The following FGF10 variants were observed in gnomAD, a reference collection of about 807,000 sequenced individuals.
FGF10 encodes the protein FGF-10.
In FGF10, 2 loss-of-function variants were observed where a neutral mutation model predicts 19.8. The ratio of observed to expected loss-of-function variants is 0.10; its 90% confidence interval spans 0.04 to 0.32. FGF10 has a LOEUF of 0.32. FGF10 is among the 10% of genes least tolerant of loss of function. The pLI is 1.00. For missense variants in FGF10, 191 were observed against 246.3 expected (o/e 0.78, Z 1.50); for synonymous variants, 112 against 94.0 (o/e 1.19, Z -1.10).
In FGF10 at chr5:44,302,282, GCTTCCTTCCTTCCTTCCTTCCTTC is replaced by G. The variant is rs56194673; in HGVS notation, c.*2689_*2712del. ...TCTTTCCTTCCTTCCTTCTTTCCTTGCTTCCTTCCTTCCTTCCTTCCTTCCTTCCTTCCTTCCTTCCTTCCTTCC... is the reference window on the plus strand; with the variant it reads ...TCTTTCCTTCCTTCCTTCTTTCCTTGCTTCCTTCCTTCCTTCCTTCCTTCC... On this transcript the variant is annotated 3_prime_UTR_variant, in exon 3 of 3. Transcript: ENST00000264664. Among the ~76,000 whole-genome samples, 39 of 122,206 alleles carry G rather than the reference GCTTCCTTCCTTCCTTCCTTCCTTC, an allele frequency of 3.2e-4. No individual in the cohort carries two copies. Among genetic ancestry groups the G allele is most frequent in the African/African-American group, 9.6e-4 (30 of 31,152 alleles). 80.2% of individuals were successfully genotyped at this position (122,206 alleles called of 152,430 possible).
intron 1 of FGF10, among the ~76,000 whole-genome samples, chr5:44,313,313 C>G (rs1740254098): frequency 6.6e-6 from 1 of 151,916 alleles, no homozygotes; most frequent in South Asian, 2.1e-4. Flanking sequence ...GACTTCTTTA[C>G]TTTTTGTAAG....
In FGF10 at chr5:44,304,311, C is replaced by T. The variant is rs1430913973; in HGVS notation, c.*684G>A. On this transcript the variant is annotated 3_prime_UTR_variant, in exon 3 of 3. Transcript: ENST00000264664. ...AAAGAAAAGATAAATCAGAAGACAG[C>T]TGCTGAGATACTCTTTAAAACCCCA... is the stretch of plus-strand genomic sequence containing the variant. The T allele has an allele frequency of 6.6e-6, 1 of 152,248 alleles. No homozygotes were observed. The highest frequency in any genetic ancestry group is 2.4e-5 in the African/African-American group (1 of 41,434). 9.4% of individuals were successfully genotyped at this position (152,248 alleles called of 1,614,324 possible). A position where few individuals can be genotyped will look rare whatever the true frequency, so the allele number is the denominator to read the frequency against.
chr5:44,304,017 G>C lies in FGF10; in HGVS notation c.*978C>G, dbSNP rs939007449. ...GGAGGCAAACTGATGTATTGAAAGA[G>C]AAGAATTTGGCCTTCTGGTCTATTT... On this transcript the variant is annotated 3_prime_UTR_variant, in exon 3 of 3. Coordinates refer to ENST00000264664, the MANE Select transcript of FGF10 (RefSeq NM_004465.2). 1 of 152,146 alleles carries C rather than the reference G, an allele frequency of 6.6e-6. No individual in the cohort carries two copies. Among genetic ancestry groups the C allele is most frequent in the African/African-American group, 2.4e-5 (1 of 41,450 alleles). 9.4% of individuals were successfully genotyped at this position (152,146 alleles called of 1,614,324 possible).
chr5:44,367,029 G>T (rs1741631674), intron 1 of FGF10, among the ~76,000 whole-genome samples: 1 of 151,812 alleles, frequency 6.6e-6, no homozygotes, highest in Non-Finnish European at 1.5e-5. Flanking sequence ...CAAACTGCAA[G>T]AAAATAAAAT....
chr5:44,309,048 G>C (rs1011102521), intron 2 of FGF10, among the ~76,000 whole-genome samples: 4 of 152,068 alleles, frequency 2.6e-5, no homozygotes, highest in Non-Finnish European at 5.9e-5. Flanking sequence ...AATCAACAAA[G>C]TAAGTTTATT....
chr5:44,355,581 T>G (rs907278443), intron 1 of FGF10, among the ~76,000 whole-genome samples: 1 of 151,298 alleles, frequency 6.6e-6, no homozygotes, highest in Non-Finnish European at 1.5e-5. Context: ...TTCAGACTCA[T>G]AGTGCAAAAC....
intron 1 of FGF10, among the ~76,000 whole-genome samples, chr5:44,381,708 A>T (rs572272288): frequency 7.0e-4 from 106 of 152,348 alleles, no homozygotes; most frequent in Admixed American, 1.6e-3. Context: ...GCTTATCAGT[A>T]AAGCATGTTA....
In FGF10 at chr5:44,389,154, GTCTC is replaced by G. The variant is rs923383808; in HGVS notation, c.-476_-473del. On this transcript the variant is annotated 5_prime_UTR_variant, in exon 1 of 3. Transcript: ENST00000264664. Reference sequence around the variant, plus strand: ...ACCCCTCTGCGGTTGGCACCTTCTGGTCTCTCTCTGCGGAGCCCCAGCCTGCGAG... The same window carrying G: ...ACCCCTCTGCGGTTGGCACCTTCTGGTCTCTGCGGAGCCCCAGCCTGCGAG... The G allele has an allele frequency of 4.3e-6, 1 of 232,280 alleles. No individual in the cohort carries two copies. Among genetic ancestry groups the G allele is most frequent in the African/African-American group, 2.2e-5 (1 of 44,990 alleles). The allele number at this position is 232,280 out of a possible 1,614,324, so 14.4% of individuals were successfully genotyped here. A position where few individuals can be genotyped will look rare whatever the true frequency, so the allele number is the denominator to read the frequency against.
intron 1 of FGF10, among the ~76,000 whole-genome samples, chr5:44,340,731 C>A (rs1335953717): frequency 6.6e-6 from 1 of 151,650 alleles, no homozygotes; most frequent in Non-Finnish European, 1.5e-5. Flanking sequence ...ACACAGCTAA[C>A]CTTTTTTTCT....
Position 44,383,833 on chromosome 5 carries a change from T to C in FGF10, c.325+4525A>G, listed in dbSNP as rs371936496. ...AACCACAACTGAAATAAGATACCAG[T>C]GGAAGCCATAAATTGTTTTTCTTCA... On this transcript the variant is annotated intron_variant, in intron 1 of 2. Coordinates refer to ENST00000264664, the MANE Select transcript of FGF10 (RefSeq NM_004465.2). 1.4e-4 allele frequency among the ~76,000 whole-genome samples: 21 copies of C among 152,184 alleles called. No homozygotes were observed. In the East Asian group the frequency reaches 3.5e-3, roughly 25 times the overall value.
At chr5:44,341,764 G>T (rs1740976501) in intron 1 of FGF10, among the ~76,000 whole-genome samples, 1 of 151,944 alleles carries the variant, frequency 6.6e-6, no homozygotes, top group African/African-American at 2.4e-5. Flanking sequence ...GAAATCATGG[G>T]ACAGTGGGTT....
intron 1 of FGF10, among the ~76,000 whole-genome samples, chr5:44,350,120 C>T (rs1672696052): frequency 6.6e-6 from 1 of 150,776 alleles, no homozygotes; most frequent in Non-Finnish European, 1.5e-5. Context: ...ATAAGAATAT[C>T]AAACAGGATT....
At chr5:44,350,589 C>T (rs961899955) in intron 1 of FGF10, among the ~76,000 whole-genome samples, 1 of 150,794 alleles carries the variant, frequency 6.6e-6, no homozygotes, top group Admixed American at 6.6e-5. Flanking sequence ...ACATACAACA[C>T]ATAGGTGTGT....
chr5:44,388,225 G>A (rs372791472), intron 1 of FGF10, 133 bp downstream of exon 1: 1 of 855,076 alleles, frequency 1.2e-6, no homozygotes, highest in Non-Finnish European at 2.0e-6. Context: ...TAGTGTGAAA[G>A]TATTCCACTT....
At chr5:44,331,773 G>T (rs142812539) in intron 1 of FGF10, among the ~76,000 whole-genome samples, 11 of 152,140 alleles carry the variant, frequency 7.2e-5, no homozygotes, top group African/African-American at 2.6e-4. Flanking sequence ...GTTACCAGCC[G>T]GCTGTTAATA....
rs1334630675 is a variant in FGF10 at position 44,388,339 on chromosome 5, G to A, written c.325+19C>T. The stretch of plus-strand genomic sequence containing the variant: ...GGGGTGGATAATTGGAAGGAGGGGA[G>A]CATGCATTTGTTACTTACTGTACGG... On this transcript the variant is annotated intron_variant, in intron 1 of 2. Transcript: ENST00000264664. 2.5e-6 allele frequency: 4 copies of A among 1,606,872 alleles called. No homozygotes were observed. The highest frequency in any genetic ancestry group is 1.3e-5 in the African/African-American group (1 of 74,746).
intron 1 of FGF10, among the ~76,000 whole-genome samples, chr5:44,329,258 C>G (rs373696267): frequency 6.6e-6 from 1 of 152,140 alleles, no homozygotes; most frequent in Non-Finnish European, 1.5e-5. Context: ...ATCACTGCAA[C>G]CTCTGCCTCC....
chr5:44,351,959 A>G (rs963772415), intron 1 of FGF10, among the ~76,000 whole-genome samples: 3 of 151,664 alleles, frequency 2.0e-5, no homozygotes, highest in African/African-American at 7.3e-5. Flanking sequence ...TACTAATACT[A>G]CTACTACTAA....
At chr5:44,310,280 C>A in intron 2 of FGF10, 147 bp downstream of exon 2, 2 of 654,030 alleles carry the variant, frequency 3.1e-6, no homozygotes, top group South Asian at 1.6e-5. Flanking sequence ...GCTTTGCCAG[C>A]CCTTGAAACA....
Sources: allele counts gnomAD v4.1 joint callset (sites outside exome capture counted in the v4.1 genomes callset), GRCh38; gene constraint gnomAD v4.1.1; transcripts MANE v1.5; gene names NCBI Gene and HGNC (gene_info 2026-07-23, HGNC 2026-07-21).